The following CDK6 variants were observed in gnomAD, a reference collection of about 807,000 sequenced individuals.
CDK6 encodes cyclin-dependent kinase 6.
In CDK6, 6 loss-of-function variants were observed where a neutral mutation model predicts 37.1. The observed-to-expected ratio is 0.16, with a 90% CI of 0.09 to 0.32. The LOEUF (loss-of-function observed/expected upper bound fraction) is 0.32. Ranked by LOEUF, CDK6 falls within the 10% of genes least tolerant of loss-of-function variation. The pLI, the probability that CDK6 is intolerant of heterozygous loss-of-function variation, is 1.00. For missense variants in CDK6, 224 were observed against 418.9 expected (o/e 0.53, Z 4.06); for synonymous variants, 160 against 161.3 (o/e 0.99, Z 0.06).
At chr7:92,707,410 T>C (rs758362002) in intron 4 of CDK6, among the ~76,000 whole-genome samples, 7 of 152,246 alleles carry the variant, frequency 4.6e-5, no homozygotes, top group Non-Finnish European at 8.8e-5. Flanking sequence ...CTGTGTATAA[T>C]AGCCGTTATA....
At chr7:92,628,670 T>C (rs756223677) in intron 5 of CDK6, among the ~76,000 whole-genome samples, 1 of 152,148 alleles carries the variant, frequency 6.6e-6, no homozygotes, top group Non-Finnish European at 1.5e-5. Flanking sequence ...GAGGTACATA[T>C]ATACGATTAG....
At chr7:92,705,240 C>A (rs1042067238) in intron 4 of CDK6, among the ~76,000 whole-genome samples, 1 of 152,138 alleles carries the variant, frequency 6.6e-6, no homozygotes, top group Non-Finnish European at 1.5e-5. Context: ...GTGAAAATTT[C>A]TTTACCTCAT....
chr7:92,812,232 T>C (rs540963506), intron 2 of CDK6, among the ~76,000 whole-genome samples: 4 of 152,254 alleles, frequency 2.6e-5, no homozygotes, highest in Admixed American at 6.5e-5. Flanking sequence ...AATGAAGACA[T>C]TGAAGCTTAG....
At chr7:92,697,820 A>G (rs1797755396) in intron 4 of CDK6, among the ~76,000 whole-genome samples, 1 of 152,248 alleles carries the variant, frequency 6.6e-6, no homozygotes. Context: ...AGAAGCTGCA[A>G]TACTTGGTTT....
chr7:92,620,368 C>T (rs1341674438), intron 6 of CDK6, among the ~76,000 whole-genome samples: 1 of 152,100 alleles, frequency 6.6e-6, no homozygotes, highest in African/African-American at 2.4e-5. Context: ...TTATTAGTCT[C>T]ATTTTATAGA....
intron 4 of CDK6, among the ~76,000 whole-genome samples, chr7:92,674,687 C>T (rs970010310): frequency 1.3e-5 from 2 of 152,234 alleles, no homozygotes; most frequent in African/African-American, 4.8e-5. Flanking sequence ...TAAGGTTCCA[C>T]TTGAGTGGTT....
chr7:92,814,555 C>CAAAAAAAAAAAAAAAAAAAA (rs201939605), intron 2 of CDK6, among the ~76,000 whole-genome samples: 2 of 70,042 alleles, frequency 2.9e-5, no homozygotes, highest in Non-Finnish European at 6.8e-5. Flanking sequence ...AACTGAATTG[C>CAAAAAAAAAAAAAAAAAAAA]AAAAAAAAAA....
At chr7:92,723,125 G>A (rs1798406074) in intron 4 of CDK6, among the ~76,000 whole-genome samples, 1 of 152,152 alleles carries the variant, frequency 6.6e-6, no homozygotes, top group Non-Finnish European at 1.5e-5. Flanking sequence ...GCAGTGAGCT[G>A]AGATAGGGCC....
Position 92,695,282 on chromosome 7 carries a change from A to AAAAGAAAG in CDK6, c.538-23755_538-23748dup, listed in dbSNP as rs548127829. Among the ~76,000 whole-genome samples, 394 of 149,970 alleles carry AAAAGAAAG rather than the reference A, an allele frequency of 2.6e-3. 3 individuals are homozygous for AAAAGAAAG. Among genetic ancestry groups the AAAAGAAAG allele is most frequent in the African/African-American group, 9.3e-3 (373 of 40,222 alleles). ...AAGGGACCCTGAGGTAAAAAAAAAA[A>AAAAGAAAG]AAAGAAAGAAAGAAAGAAAGAAAAA... On this transcript the variant is annotated intron_variant, in intron 4 of 7. Transcript: ENST00000424848.
chr7:92,787,511 T>C (rs957111390), intron 2 of CDK6, among the ~76,000 whole-genome samples: 1 of 152,110 alleles, frequency 6.6e-6, no homozygotes, highest in Admixed American at 6.6e-5. Context: ...TTTATGTTTG[T>C]CCACTTAGAA....
intron 2 of CDK6, among the ~76,000 whole-genome samples, chr7:92,782,857 A>C (rs557362590): frequency 2.0e-5 from 3 of 152,370 alleles, no homozygotes; most frequent in Non-Finnish European, 4.4e-5. Flanking sequence ...ATGACTTAAA[A>C]ATGTCAATAT....
At chr7:92,804,911 CT>C (rs1562970095) in intron 2 of CDK6, among the ~76,000 whole-genome samples, 1 of 152,158 alleles carries the variant, frequency 6.6e-6, no homozygotes, top group Non-Finnish European at 1.5e-5. Context: ...AAATTCACCC[CT>C]GGTTCAAGAC....
At chr7:92,832,417 G>A (rs933711774) in intron 2 of CDK6, among the ~76,000 whole-genome samples, 2 of 152,110 alleles carry the variant, frequency 1.3e-5, no homozygotes, top group African/African-American at 4.8e-5. Flanking sequence ...GAGTATGTCC[G>A]CCCAGAGATA....
At chr7:92,680,826 C>T (rs1036374854) in intron 4 of CDK6, among the ~76,000 whole-genome samples, 2 of 152,184 alleles carry the variant, frequency 1.3e-5, no homozygotes, top group Non-Finnish European at 2.9e-5. Context: ...ACCCATCTTT[C>T]AAGCCTCACT....
At chr7:92,749,156 A>G (rs1288819144) in intron 3 of CDK6, among the ~76,000 whole-genome samples, 2 of 150,564 alleles carry the variant, frequency 1.3e-5, no homozygotes, top group African/African-American at 4.9e-5. Flanking sequence ...CTGAGATCAC[A>G]CCACTGCACT....
chr7:92,703,106 T>A (rs186886611), intron 4 of CDK6, among the ~76,000 whole-genome samples: 2 of 152,244 alleles, frequency 1.3e-5, no homozygotes, highest in East Asian at 3.9e-4. Flanking sequence ...AAAACCCAAA[T>A]GAACTCAACA....
intron 2 of CDK6, among the ~76,000 whole-genome samples, chr7:92,794,854 G>A (rs1381144066): frequency 6.6e-6 from 1 of 151,910 alleles, no homozygotes. Flanking sequence ...GGATCAGGCT[G>A]AGTAATATTC....
At chr7:92,801,053 C>G (rs776188976) in intron 2 of CDK6, among the ~76,000 whole-genome samples, 1 of 152,082 alleles carries the variant, frequency 6.6e-6, no homozygotes, top group Non-Finnish European at 1.5e-5. Flanking sequence ...CCTTTACAAG[C>G]AAGAAACTTC....
intron 3 of CDK6, among the ~76,000 whole-genome samples, chr7:92,733,667 C>A (rs934996833): frequency 2.0e-5 from 3 of 151,996 alleles, no homozygotes; most frequent in Non-Finnish European, 4.4e-5. Context: ...AATTACCCAC[C>A]AATTTTAAAT....
Sources: gnomAD v4.1 joint callset for allele counts (sites outside exome capture counted in the v4.1 genomes callset) on GRCh38, gnomAD v4.1.1 for gene constraint, MANE v1.5 for transcripts, NCBI Gene and HGNC (gene_info 2026-07-23, HGNC 2026-07-21) for gene names.